Variants in LPL observed in about 807,000 individuals in gnomAD.
LPL encodes the protein lipoprotein lipase, also known as phospholipase A1.
A neutral mutation model predicts 52.2 loss-of-function variants in LPL; 43 were observed. The ratio of observed to expected loss-of-function variants is 0.82; its 90% confidence interval spans 0.64 to 1.06. The LOEUF is 1.06. LPL is among the 50% of genes least tolerant of loss of function. The pLI, the probability that LPL is intolerant of heterozygous loss-of-function variation, is 0.00. For missense variants in LPL, 639 were observed against 585.3 expected (o/e 1.09, Z -0.95); for synonymous variants, 244 against 215.6 (o/e 1.13, Z -1.15).
rs771664953 is a variant in LPL at position 19,950,440 on chromosome 8, C to T, written c.250-1329C>T. Among the ~76,000 whole-genome samples the T allele has an allele frequency of 3.9e-5, 6 of 152,114 alleles. No homozygotes were observed. Among genetic ancestry groups the T allele is most frequent in the Non-Finnish European group, 7.4e-5 (5 of 68,018 alleles). ...AGAAAGGATTCAATTAGCTATTGTT[C>T]GGTTAATAAAAATGTCAGCCACTGT... On this transcript the variant is annotated intron_variant, in intron 2 of 9. Coordinates refer to ENST00000650287, the MANE Select transcript of LPL (RefSeq NM_000237.3). The surrounding 1 kb of genome is among the most constrained non-coding windows in gnomAD (Gnocchi z 4.2).
intron 1 of LPL, among the ~76,000 whole-genome samples, chr8:19,945,173 G>C (rs1308257653): frequency 2.0e-5 from 3 of 152,186 alleles, no homozygotes; most frequent in Admixed American, 6.5e-5. Flanking sequence ...CAGTTCACCT[G>C]CTGCCCAATA....
At position 19,953,954 on chromosome 8, in the gene LPL, C is replaced by T. The variant is rs139426179; in HGVS notation, c.542-166C>T. On this transcript the variant is annotated intron_variant, in intron 4 of 9. Transcript: ENST00000650287. ...AGACTCAAATTCATTTTAGAAGGAGCCAAGCCTCCTTTTATGTCTCTCTAA... is the reference window on the plus strand; with the variant it reads ...AGACTCAAATTCATTTTAGAAGGAGTCAAGCCTCCTTTTATGTCTCTCTAA... Among the ~76,000 whole-genome samples, 564 of 152,278 alleles carry T rather than the reference C, an allele frequency of 3.7e-3. 2 individuals carry two copies. The highest frequency in any genetic ancestry group is 0.013 in the African/African-American group (549 of 41,540).
intron 1 of LPL, among the ~76,000 whole-genome samples, chr8:19,947,524 G>C (rs1461409424): frequency 1.3e-5 from 2 of 152,150 alleles, no homozygotes; most frequent in Non-Finnish European, 2.9e-5. Context: ...TGTGGTCCCA[G>C]CTACTCAGGA....
At chr8:19,946,576 T>G in intron 1 of LPL, 1 of 308,812 alleles carries the variant, frequency 3.2e-6, no homozygotes, top group South Asian at 2.6e-5. Flanking sequence ...AATTTTGAGT[T>G]GAAAAAAAAG....
intron 9 of LPL, among the ~76,000 whole-genome samples, chr8:19,965,070 C>T (rs112324447): frequency 0.017 from 2,541 of 152,090 alleles, 26 homozygotes; most frequent in Non-Finnish European, 0.025. Flanking sequence ...TTGGCCCAGT[C>T]CTCCAAAAAT....
chr8:19,958,095 C>T (rs1385403794), intron 6 of LPL, among the ~76,000 whole-genome samples: 1 of 151,898 alleles, frequency 6.6e-6, no homozygotes, highest in Non-Finnish European at 1.5e-5. Flanking sequence ...TCTTAGCTCA[C>T]TGCAACCTCT....
At chr8:19,951,651 G>A (rs1590141431) in intron 2 of LPL, 118 bp from the exon 3 acceptor site, 2 of 1,071,974 alleles carry the variant, frequency 1.9e-6, no homozygotes, top group Admixed American at 3.4e-5. Context: ...TTTTCTATCT[G>A]TGCCAATGGG....
At chr8:19,954,489 C>A in intron 5 of LPL, 136 bp downstream of exon 5, 2 of 832,276 alleles carry the variant, frequency 2.4e-6, no homozygotes, top group Non-Finnish European at 3.9e-6. Context: ...AAGAATTCTG[C>A]AATGTTCAGC....
At chr8:19,951,286 G>A (rs922006322) in intron 2 of LPL, among the ~76,000 whole-genome samples, 1 of 152,114 alleles carries the variant, frequency 6.6e-6, no homozygotes, top group East Asian at 1.9e-4. Flanking sequence ...ATTACATTCT[G>A]AAGAAATGAC....
At chr8:19,965,252 G>A (rs1489746516) in intron 9 of LPL, 58 bp from the exon 10 acceptor site, 2 of 777,856 alleles carry the variant, frequency 2.6e-6, no homozygotes, top group Non-Finnish European at 4.8e-6. Flanking sequence ...GGGACAGGCG[G>A]GAATTGTAAA....
chr8:19,962,354 C>T (rs1480574323), intron 9 of LPL, 135 bp downstream of exon 9: 45 of 720,402 alleles, frequency 6.2e-5, no homozygotes, highest in Non-Finnish European at 9.2e-5. Flanking sequence ...ATCAGTCTTT[C>T]TTAGTCCTTC....
At chr8:19,940,035 G>A (rs1048980338) in intron 1 of LPL, among the ~76,000 whole-genome samples, 2 of 152,304 alleles carry the variant, frequency 1.3e-5, no homozygotes, top group East Asian at 1.9e-4. Context: ...GCCGGGGCGC[G>A]GGGAGGCGTT....
intron 7 of LPL, 67 bp from the exon 8 acceptor site, chr8:19,960,834 A>G (rs1300412113): frequency 8.5e-7 from 1 of 1,170,826 alleles, no homozygotes; most frequent in African/African-American, 1.5e-5. Context: ...TGGAGAGGAG[A>G]AAAAAAAGTG....
intron 1 of LPL, among the ~76,000 whole-genome samples, chr8:19,942,730 A>T (rs138227855): frequency 6.6e-6 from 1 of 152,310 alleles, no homozygotes; most frequent in East Asian, 1.9e-4. Flanking sequence ...TTTACTCTGA[A>T]CGATGTCTGT....
At chr8:19,957,469 G>A (rs1381943324) in intron 6 of LPL, among the ~76,000 whole-genome samples, 1 of 152,160 alleles carries the variant, frequency 6.6e-6, no homozygotes, top group Admixed American at 6.5e-5. Flanking sequence ...ATCAGGCAAT[G>A]CGTATGAGGT....
chr8:19,954,492 T>C (rs965854267), intron 5 of LPL, 139 bp downstream of exon 5: 6 of 818,652 alleles, frequency 7.3e-6, no homozygotes, highest in Admixed American at 2.1e-5. Context: ...AATTCTGCAA[T>C]GTTCAGCATG....
intron 5 of LPL, 50 bp from the exon 6 acceptor site, chr8:19,955,791 C>A: frequency 6.2e-7 from 1 of 1,613,352 alleles, no homozygotes; most frequent in South Asian, 1.1e-5. Flanking sequence ...ATGAAACACT[C>A]TTTGTGAATT....
At chr8:19,940,668 T>C (rs2069830119) in intron 1 of LPL, among the ~76,000 whole-genome samples, 1 of 152,256 alleles carries the variant, frequency 6.6e-6, no homozygotes, top group Non-Finnish European at 1.5e-5. Flanking sequence ...GCGGTGTCGC[T>C]TGGATGTGCT....
intron 1 of LPL, among the ~76,000 whole-genome samples, chr8:19,942,146 C>T (rs989527802): frequency 7.2e-5 from 11 of 151,914 alleles, no homozygotes; most frequent in East Asian, 1.9e-4. Flanking sequence ...GGAAAATTTT[C>T]GCTTTCTTTC....
Sources: allele counts gnomAD v4.1 joint callset (sites outside exome capture counted in the v4.1 genomes callset), GRCh38; gene constraint gnomAD v4.1.1; non-coding constraint Gnocchi (gnomAD v3.1); transcripts MANE v1.5; gene names NCBI Gene and HGNC (gene_info 2026-07-23, HGNC 2026-07-21).